CNIH3: variants seen among roughly 807,000 people sequenced by gnomAD.
CNIH3 encodes protein cornichon homolog 3.
In CNIH3, 14 loss-of-function variants were observed where a neutral mutation model predicts 24.1. That is an observed-to-expected ratio of 0.58 (90% CI 0.38 to 0.91). The LOEUF is 0.91. Among genes scored for constraint, CNIH3 ranks in the 40% least tolerant of loss-of-function variants. The pLI is 0.00. For missense variants in CNIH3, 178 were observed against 196.8 expected (o/e 0.90, Z 0.57); for synonymous variants, 68 against 73.8 (o/e 0.92, Z 0.40).
In CNIH3 at chr1:224,534,997, G is replaced by A. The variant is rs373979303; in HGVS notation, n.344-1939G>A. Reference sequence around the variant, plus strand: ...CACCAGGTACTCATAGACACCTACCGGCCTATATTTCCACATCTGTCTGTT... The same window carrying A: ...CACCAGGTACTCATAGACACCTACCAGCCTATATTTCCACATCTGTCTGTT... On this transcript the variant is annotated intron_variant and non_coding_transcript_variant, in intron 2 of 2. Coordinates refer to the CNIH3 transcript ENST00000470602. Among the ~76,000 whole-genome samples, 85 of 152,198 alleles carry A rather than the reference G, an allele frequency of 5.6e-4. No individual in the cohort carries two copies. The South Asian group carries it at 0.013, about 23-fold the overall frequency.
chr1:224,737,508 G>T (rs1391479596), intron 5 of CNIH3, among the ~76,000 whole-genome samples: 1 of 151,516 alleles, frequency 6.6e-6, no homozygotes, highest in Non-Finnish European at 1.5e-5. Flanking sequence ...AAAAGACTCT[G>T]TTTCTCCCAC....
intron 1 of CNIH3, among the ~76,000 whole-genome samples, chr1:224,674,659 T>C (rs889709720): frequency 1.3e-5 from 2 of 152,032 alleles, no homozygotes; most frequent in African/African-American, 4.8e-5. Context: ...GCAGCACCTT[T>C]TGGGCTGAAC....
At chr1:224,487,636 A>G (rs1677078166) in intron 1 of CNIH3, among the ~76,000 whole-genome samples, 1 of 152,226 alleles carries the variant, frequency 6.6e-6, no homozygotes, top group Non-Finnish European at 1.5e-5. Context: ...TCAAGCAAAA[A>G]CAGTGAAAAT....
At chr1:224,591,777 G>A (rs139275493), downstream of CNIH3, among the ~76,000 whole-genome samples, 353 of 152,264 alleles carry the variant, frequency 2.3e-3, no homozygotes, top group African/African-American at 8.3e-3. Context: ...GATGGATTTG[G>A]GCATGACTGC....
intron 2 of CNIH3, among the ~76,000 whole-genome samples, chr1:224,530,538 C>T (rs1375274363): frequency 1.3e-5 from 2 of 152,154 alleles, no homozygotes. Flanking sequence ...TGAGACACAT[C>T]CAAAACTACA....
intron 3 of CNIH3, among the ~76,000 whole-genome samples, chr1:224,562,088 A>G (rs556166570): frequency 1.3e-5 from 2 of 152,330 alleles, no homozygotes; most frequent in East Asian, 3.9e-4. Context: ...CACTATTTCT[A>G]TGCTAATTAA....
In CNIH3 at chr1:224,606,142, AC is replaced by A. The variant is rs34961495; in HGVS notation, n.402+39885del. On this transcript the variant is annotated intron_variant and non_coding_transcript_variant, in intron 3 of 7. Coordinates refer to the CNIH3 transcript ENST00000478120. ...CAGTGTCTGGGGGTGGGTACTTGCG[AC>A]CCCCCCAGATCCCCAGAGAGCATGT... Among the ~76,000 whole-genome samples, 449 of 149,488 alleles carry A rather than the reference AC, an allele frequency of 3.0e-3. 1 individual carries two copies. The highest frequency in any genetic ancestry group is 0.011 in the African/African-American group (426 of 40,524).
At chr1:224,602,570 A>G (rs1268950388) in intron 3 of CNIH3, among the ~76,000 whole-genome samples, 1 of 152,204 alleles carries the variant, frequency 6.6e-6, no homozygotes, top group Admixed American at 6.5e-5. Flanking sequence ...TTCAACCCTC[A>G]TAAGTCCTTA....
At chr1:224,641,156 C>T (rs1231993454) in intron 1 of CNIH3, among the ~76,000 whole-genome samples, 1 of 152,192 alleles carries the variant, frequency 6.6e-6, no homozygotes, top group East Asian at 1.9e-4. Context: ...GATGCCTGGG[C>T]TAAGCCTCCT....
chr1:224,506,027 G>A (rs1677894277), intron 1 of CNIH3, among the ~76,000 whole-genome samples: 1 of 152,120 alleles, frequency 6.6e-6, no homozygotes, highest in Admixed American at 6.5e-5. Flanking sequence ...GCTCCCAGTT[G>A]GAAAGATTGC....
At chr1:224,651,216 G>A (rs1200132608) in intron 1 of CNIH3, among the ~76,000 whole-genome samples, 1 of 152,108 alleles carries the variant, frequency 6.6e-6, no homozygotes, top group African/African-American at 2.4e-5. Flanking sequence ...AAATAAAAAA[G>A]AAAACAATGG....
intron 1 of CNIH3, among the ~76,000 whole-genome samples, chr1:224,436,657 G>C (rs983097724): frequency 4.6e-5 from 7 of 152,172 alleles, no homozygotes; most frequent in African/African-American, 1.7e-4. Context: ...CTAAAACACA[G>C]CTTGAGAATC....
chr1:224,438,140 GGT>G (rs1674747643), intron 1 of CNIH3, among the ~76,000 whole-genome samples: 1 of 151,810 alleles, frequency 6.6e-6, no homozygotes, highest in Non-Finnish European at 1.5e-5. Context: ...TAGCCAAGAT[GGT>G]CTCGATCTCC....
At chr1:224,537,123 A>G (rs1348476098), downstream of CNIH3, 2 of 152,238 alleles carry the variant, frequency 1.3e-5, no homozygotes, top group East Asian at 3.8e-4. Context: ...TAAAAAGGAA[A>G]AAAAAACTAC....
chr1:224,468,844 G>GA (rs1445419063), intron 1 of CNIH3, among the ~76,000 whole-genome samples: 1 of 149,498 alleles, frequency 6.7e-6, no homozygotes, highest in Non-Finnish European at 1.5e-5. Context: ...AAAAAAAAAA[G>GA]AAAGAATGGT....
At chr1:224,636,072 A>G (rs1572631871) in intron 1 of CNIH3, among the ~76,000 whole-genome samples, 1 of 152,166 alleles carries the variant, frequency 6.6e-6, no homozygotes, top group East Asian at 1.9e-4. Context: ...CAGCAAGCCA[A>G]AACCCAAGAC....
At chr1:224,454,257 G>GTTT (rs11374306) in intron 1 of CNIH3, 16,973 of 744,384 alleles carry the variant, frequency 0.023, 36 homozygotes, top group Middle Eastern at 0.03. Context: ...CTACTAGTAA[G>GTTT]TTTTTTTTTT....
chr1:224,658,717 C>G (rs1685210293), intron 1 of CNIH3, among the ~76,000 whole-genome samples: 1 of 146,052 alleles, frequency 6.8e-6, no homozygotes, highest in African/African-American at 2.6e-5. Context: ...TCTCTCTCTC[C>G]CCTCTTTTTT....
intron 1 of CNIH3, among the ~76,000 whole-genome samples, chr1:224,673,887 G>C (rs1489151999): frequency 2.0e-5 from 3 of 152,168 alleles, no homozygotes; most frequent in African/African-American, 7.2e-5. Flanking sequence ...CAGCGTGCTG[G>C]ATGGAGCACT....
Sources: allele counts gnomAD v4.1 joint callset (sites outside exome capture counted in the v4.1 genomes callset), GRCh38; gene constraint gnomAD v4.1.1; transcripts MANE v1.5; gene names NCBI Gene and HGNC (gene_info 2026-07-23, HGNC 2026-07-21).